The following CRYBG3 variants were observed in gnomAD, a reference collection of about 807,000 sequenced individuals.
CRYBG3 encodes the protein very large A-kinase anchor protein.
Under a neutral mutation model 244.2 loss-of-function variants are expected in CRYBG3, and 127 were observed. That is an observed-to-expected ratio of 0.52 (90% CI 0.45 to 0.60). The LOEUF (loss-of-function observed/expected upper bound fraction) is 0.60, where lower values mean the gene tolerates loss of function less well. CRYBG3 is among the 20% of genes least tolerant of loss of function. CRYBG3 has a pLI of 0.00. For missense variants in CRYBG3, 3,325 were observed against 3,442.5 expected (o/e 0.97, Z 0.85); for synonymous variants, 1,132 against 1,195.8 (o/e 0.95, Z 1.10).
intron 15 of CRYBG3, among the ~76,000 whole-genome samples, chr3:97,901,750 A>C (rs557648022): frequency 7.9e-5 from 12 of 152,104 alleles, no homozygotes; most frequent in African/African-American, 2.2e-4. Context: ...TCCTGCTCCT[A>C]CCTCCTTGTT....
At chr3:97,885,028 T>C (rs1452585090) in intron 7 of CRYBG3, among the ~76,000 whole-genome samples, 1 of 152,116 alleles carries the variant, frequency 6.6e-6, no homozygotes, top group African/African-American at 2.4e-5. Context: ...GGGACATTAA[T>C]TTGGAAGTAT....
intron 15 of CRYBG3, among the ~76,000 whole-genome samples, chr3:97,901,129 G>T (rs2039702572): frequency 6.6e-6 from 1 of 152,116 alleles, no homozygotes; most frequent in Non-Finnish European, 1.5e-5. Context: ...ACAACTAGAA[G>T]TAGCAAAAGA....
At chr3:97,908,844 G>A (rs1312251182) in intron 15 of CRYBG3, among the ~76,000 whole-genome samples, 4 of 152,134 alleles carry the variant, frequency 2.6e-5, no homozygotes, top group Admixed American at 2.6e-4. Flanking sequence ...TCCTAGTCTG[G>A]ATGGTCGTTA....
intron 9 of CRYBG3, 74 bp downstream of exon 9, chr3:97,888,529 G>A: frequency 1.1e-6 from 1 of 951,764 alleles, no homozygotes; most frequent in Non-Finnish European, 1.7e-6. Context: ...CATGATGTTT[G>A]CTCATGCATC....
In CRYBG3 at chr3:97,877,825, G is replaced by A. The variant is rs764379457; in HGVS notation, c.6631G>A (p.Gly2211Ser). Residue 2211 changes from glycine (G) to serine (S), a missense_variant, in exon 4 of 22, where the codon GGT (glycine) becomes AGT (serine). By Grantham distance (56) the Gly-to-Ser change is moderately conservative (BLOSUM62 0). Transcript: ENST00000389622. ...NEPTTSNLQV[G>S]LWPEKTSFLQ... Reference sequence around the variant, plus strand: ...ACCTACTACCTCCAATCTGCAAGTTGGTCTGTGGCCAGAAAAGACCTCGTT... The same window carrying A: ...ACCTACTACCTCCAATCTGCAAGTTAGTCTGTGGCCAGAAAAGACCTCGTT... The A allele has an allele frequency of 6.2e-7, 1 of 1,614,028 alleles. No homozygotes were observed. Among genetic ancestry groups the A allele is most frequent in the South Asian group, 1.1e-5 (1 of 91,064 alleles).
chr3:97,899,378 AAG>A, intron 14 of CRYBG3, 115 bp downstream of exon 14: 2 of 1,075,912 alleles, frequency 1.9e-6, no homozygotes, highest in Non-Finnish European at 2.7e-6. Flanking sequence ...TGTATATAGA[AAG>A]AAAATGCAAT....
rs2107120674 is a variant in CRYBG3 at position 97,944,194 on chromosome 3, T to C, written c.*880T>C. The C allele has an allele frequency of 6.6e-6, 1 of 151,952 alleles. No homozygotes were observed. Among genetic ancestry groups the C allele is most frequent in the South Asian group, 2.1e-4 (1 of 4,822 alleles). The allele number at this position is 151,952 out of a possible 1,614,324, so 9.4% of individuals were successfully genotyped here. ...TTTGAACCTTGACCTTACCATCTCTTTAAGTAAACGTGGAGTTGATTTCTC... is the reference window on the plus strand; with the variant it reads ...TTTGAACCTTGACCTTACCATCTCTCTAAGTAAACGTGGAGTTGATTTCTC... On this transcript the variant is annotated 3_prime_UTR_variant, in exon 22 of 22. Transcript: ENST00000389622.
At chr3:97,898,221 GA>G (rs59823387) in intron 12 of CRYBG3, among the ~76,000 whole-genome samples, 305 of 123,894 alleles carry the variant, frequency 2.5e-3, no homozygotes, top group Middle Eastern at 4.1e-3. Context: ...ACTGCTTCTT[GA>G]AAAAAAAAAA....
At chr3:97,888,208 A>C in intron 8 of CRYBG3, 133 bp from the exon 9 acceptor site, 2 of 603,930 alleles carry the variant, frequency 3.3e-6, no homozygotes, top group Non-Finnish European at 3.0e-6. Context: ...TCTGGCTCTC[A>C]CTTTGAGTGT....
At chr3:97,832,349 T>C (rs1252711108) in intron 1 of CRYBG3, among the ~76,000 whole-genome samples, 1 of 151,746 alleles carries the variant, frequency 6.6e-6, no homozygotes, top group Non-Finnish European at 1.5e-5. Flanking sequence ...CAAAACAGCA[T>C]GGTACTGGCA....
chr3:97,900,091 G>A (rs1203082530), intron 14 of CRYBG3, among the ~76,000 whole-genome samples: 1 of 152,216 alleles, frequency 6.6e-6, no homozygotes, highest in African/African-American at 2.4e-5. Flanking sequence ...GCACAGGGGT[G>A]CAATCCTAGC....
chr3:97,877,424 G>A lies in CRYBG3; in HGVS notation c.6230G>A (p.Arg2077Lys). ...SEMFLSVEAK[R>K]YKIYPLALSP... ...ATGTTCTTATCAGTGGAGGCCAAAA[G>A]GTACAAAATTTATCCTTTAGCATTG... The change falls in exon 4 of 22, where the codon AGG becomes AAG. Residue 2077 changes from arginine (R) to lysine (K), a missense_variant. By Grantham distance (26) the Arg-to-Lys change is conservative. Coordinates refer to ENST00000389622, the MANE Select transcript of CRYBG3 (RefSeq NM_153605.4). 6.2e-7 allele frequency: 1 copy of A among 1,614,108 alleles called. No homozygotes were observed. Among genetic ancestry groups the A allele is most frequent in the Admixed American group, 1.7e-5 (1 of 60,004 alleles).
rs371682309 is a variant in CRYBG3, at chr3:97,877,280, C to T, written c.6086C>T (p.Thr2029Met). Residue 2029 changes from threonine (T) to methionine (M), a missense_variant, in exon 4 of 22, where the codon ACG becomes ATG. Transcript: ENST00000389622. ...ACACAGTCTGTCTTGTTTCATGATACGTCCGCTGACAGCATGCCTGTTCTG... is the reference window on the plus strand; with the variant it reads ...ACACAGTCTGTCTTGTTTCATGATATGTCCGCTGACAGCATGCCTGTTCTG... ...RQTQSVLFHD[T>M]SADSMPVLAC... 33 of 1,613,986 alleles carry T rather than the reference C, an allele frequency of 2.0e-5. 1 individual carries two copies. The highest frequency in any genetic ancestry group is 1.3e-4 in the Admixed American group (8 of 60,000).
chr3:97,878,752 G>T (rs752999785), intron 4 of CRYBG3, among the ~76,000 whole-genome samples: 3 of 152,102 alleles, frequency 2.0e-5, no homozygotes, highest in Admixed American at 6.5e-5. Context: ...CAGCAGCCTC[G>T]CACTACAACA....
At chr3:97,910,036 G>C (rs1352211354) in intron 15 of CRYBG3, among the ~76,000 whole-genome samples, 1 of 151,752 alleles carries the variant, frequency 6.6e-6, no homozygotes, top group Non-Finnish European at 1.5e-5. Context: ...CCCTGCCTGG[G>C]GGTGCCTCCC....
chr3:97,914,448 C>A (rs1186981140), intron 16 of CRYBG3, among the ~76,000 whole-genome samples: 3 of 152,110 alleles, frequency 2.0e-5, no homozygotes, highest in Non-Finnish European at 4.4e-5. Flanking sequence ...AAACTAGTCA[C>A]ACATGTCTCT....
intron 1 of CRYBG3, among the ~76,000 whole-genome samples, chr3:97,840,349 G>A (rs1457808329): frequency 2.0e-5 from 3 of 152,030 alleles, no homozygotes; most frequent in African/African-American, 7.2e-5. Flanking sequence ...TATGTTGTTT[G>A]CATTAAAACT....
Position 97,864,475 on chromosome 3 carries a change from C to T in CRYBG3, c.475C>T (p.Pro159Ser), listed in dbSNP as rs1283315253. The T allele has an allele frequency of 1.3e-6, 2 of 1,535,892 alleles. No individual in the cohort carries two copies. Among genetic ancestry groups the T allele is most frequent in the Non-Finnish European group, 8.7e-7 (1 of 1,146,794 alleles). Residue 159 changes from proline (P) to serine (S), a missense_variant, in exon 3 of 22, where the codon CCC (proline) becomes TCC (serine). Around this residue, in one of 4 missense-constraint regions of CRYBG3, gnomAD observed 1,526 missense variants for 1,443.2 expected, o/e 1.06. Coordinates refer to ENST00000389622, the MANE Select transcript of CRYBG3 (RefSeq NM_153605.4). ...QDKTEKDLQNPSDHHEDGIKR... is the reference protein window; with the variant it reads ...QDKTEKDLQNSSDHHEDGIKR... ...TAAAACTGAGAAGGATTTACAAAAT[C>T]CCAGTGACCATCATGAAGACGGGAT...
At chr3:97,925,617 A>T (rs2040031561) in intron 17 of CRYBG3, among the ~76,000 whole-genome samples, 1 of 152,116 alleles carries the variant, frequency 6.6e-6, no homozygotes, top group African/African-American at 2.4e-5. Flanking sequence ...TGTAAATTTT[A>T]AAAACAAAAG....
Sources: allele counts gnomAD v4.1 joint callset (sites outside exome capture counted in the v4.1 genomes callset), GRCh38; gene constraint gnomAD v4.1.1; regional missense constraint gnomAD v4.1.1; transcripts MANE v1.5; gene names NCBI Gene and HGNC (gene_info 2026-07-23, HGNC 2026-07-21).